The following NFIX variants were observed in gnomAD, a reference collection of about 807,000 sequenced individuals.
NFIX encodes the protein nuclear factor I X, also known as nuclear factor 1 X-type.
NFIX carries 2 observed loss-of-function variants against 53.3 expected under a neutral mutation model. The ratio of observed to expected loss-of-function variants is 0.04; its 90% confidence interval spans 0.02 to 0.12. The LOEUF (loss-of-function observed/expected upper bound fraction) is 0.12, where lower values mean the gene tolerates loss of function less well. Ranked by LOEUF, NFIX falls within the 10% of genes least tolerant of loss-of-function variation. The pLI, the probability that NFIX is intolerant of heterozygous loss-of-function variation, is 1.00. For missense variants in NFIX, 310 were observed against 674.5 expected (o/e 0.46, Z 5.99); for synonymous variants, 244 against 289.0 (o/e 0.84, Z 1.58).
chr19:13,023,815 A>G (rs1442775951), intron 1 of NFIX: 1 of 144,146 alleles, frequency 6.9e-6, no homozygotes, highest in African/African-American at 2.5e-5. Flanking sequence ...CTTCTGTGCA[A>G]TGGAGCATGG....
At position 13,049,392 on chromosome 19, in the gene NFIX, T is replaced by C. The variant is rs2145308485; in HGVS notation, c.560-23655T>C. ...TCCATTGCTCCCAAAAGAAACTCCA[T>C]ACCTATTAGTTGTTAGTCCCAATTC... On this transcript the variant is annotated intron_variant, in intron 2 of 10. Coordinates refer to ENST00000592199, the MANE Select transcript of NFIX (RefSeq NM_001365902.3). This position sits in a 1 kb window ranked among gnomAD's most constrained non-coding sequence, Gnocchi z 4.5. Among the ~76,000 whole-genome samples the C allele has an allele frequency of 6.6e-6, 1 of 152,330 alleles. No homozygotes were observed. Among genetic ancestry groups the C allele is most frequent in the East Asian group, 1.9e-4 (1 of 5,192 alleles).
At chr19:13,054,003 ATTC>A (rs2015489973) in intron 2 of NFIX, among the ~76,000 whole-genome samples, 1 of 152,142 alleles carries the variant, frequency 6.6e-6, no homozygotes, top group South Asian at 2.1e-4. Flanking sequence ...GGCCAGCGGC[ATTC>A]TTTGCGTGTT....
At position 13,060,716 on chromosome 19, in the gene NFIX, G is replaced by A. The variant is rs998436319; in HGVS notation, c.560-12331G>A. Among the ~76,000 whole-genome samples the A allele has an allele frequency of 3.9e-5, 6 of 152,118 alleles. No homozygotes were observed. Among genetic ancestry groups the A allele is most frequent in the Admixed American group, 3.9e-4 (6 of 15,280 alleles). ...GGGGCCAGGGAAGCAACCAGGCCCA[G>A]TCTGGGGCCCTGTGAAGCGATCTGC... On this transcript the variant is annotated intron_variant, in intron 2 of 10. Coordinates refer to ENST00000592199, the MANE Select transcript of NFIX (RefSeq NM_001365902.3). The surrounding 1 kb of genome is among the most constrained non-coding windows in gnomAD (Gnocchi z 4.3).
rs1315175141 is a variant in NFIX at position 13,078,626 on chromosome 19, A to G, written c.969A>G (p.Leu323=). The part of the protein sequence containing the change: ...PNDVDAGPAS[L]KKSGKLDFCS... ...TCCTCCCCCCAGGCCCGGCTTCTCT[A>G]AAGAAGTCAGGAAAGCTGGACTTCT... The change falls in exon 7 of 11, where the codon CTA becomes CTG. Residue 323 remains leucine, a synonymous_variant. Transcript: ENST00000592199. This position sits in a 1 kb window ranked among gnomAD's most constrained non-coding sequence, Gnocchi z 4.7. The G allele has an allele frequency of 1.9e-6, 3 of 1,601,260 alleles. No individual in the cohort carries two copies. The South Asian group carries it at 3.4e-5, about 18-fold the overall frequency.
At chr19:13,082,967 C>T (rs930294503) in intron 8 of NFIX, among the ~76,000 whole-genome samples, 8 of 152,184 alleles carry the variant, frequency 5.3e-5, no homozygotes, top group Admixed American at 2.0e-4. Context: ...TATTGATTTG[C>T]GGCGGGGCCG....
Position 13,097,503 on chromosome 19 carries a change from C to A in NFIX, c.*2854C>A, listed in dbSNP as rs947997947. 5 of 152,720 alleles carry A rather than the reference C, an allele frequency of 3.3e-5. No individual in the cohort carries two copies. The highest frequency in any genetic ancestry group is 2.6e-4 in the Admixed American group (4 of 15,300). 9.5% of individuals were successfully genotyped at this position (152,720 alleles called of 1,614,324 possible). A position where few individuals can be genotyped will look rare whatever the true frequency, so the allele number is the denominator to read the frequency against. ...AAATATCCTGCACTTGTTAGGAATACGCATATCCCTTCTTTGTTGAGTTTA... is the reference window on the plus strand; with the variant it reads ...AAATATCCTGCACTTGTTAGGAATAAGCATATCCCTTCTTTGTTGAGTTTA... On this transcript the variant is annotated 3_prime_UTR_variant, in exon 11 of 11. Coordinates refer to ENST00000592199, the MANE Select transcript of NFIX (RefSeq NM_001365902.3).
At position 13,011,189 on chromosome 19, in the gene NFIX, C is replaced by A. The variant is rs894493937; in HGVS notation, c.28-13832C>A. On this transcript the variant is annotated intron_variant, in intron 1 of 10. Transcript: ENST00000592199. This position sits in a 1 kb window ranked among gnomAD's most constrained non-coding sequence, Gnocchi z 6.5. ...CCCACGTTCTTAAAGACCGGGGACCCCCCCTCCCCCAAGGGCCGGACTGCA... is the reference window on the plus strand; with the variant it reads ...CCCACGTTCTTAAAGACCGGGGACCACCCCTCCCCCAAGGGCCGGACTGCA... Among the ~76,000 whole-genome samples, 1 of 152,172 alleles carries A rather than the reference C, an allele frequency of 6.6e-6. No individual in the cohort carries two copies. Among genetic ancestry groups the A allele is most frequent in the Admixed American group, 6.5e-5 (1 of 15,290 alleles).
At position 13,027,607 on chromosome 19, in the gene NFIX, T is replaced by C. The variant is rs1389777762; in HGVS notation, c.559+2055T>C. ...CAACCCCGCTCTCTGACTGGATCCT[T>C]GTAGCTGAGTTGTTTCCCTGGCCTC... On this transcript the variant is annotated intron_variant, in intron 2 of 10. Transcript: ENST00000592199. This position sits in a 1 kb window ranked among gnomAD's most constrained non-coding sequence, Gnocchi z 4.3. 6.6e-6 allele frequency among the ~76,000 whole-genome samples: 1 copy of C among 152,202 alleles called. No homozygotes were observed. Among genetic ancestry groups the C allele is most frequent in the Non-Finnish European group, 1.5e-5 (1 of 68,030 alleles).
chr19:13,007,224 G>A (rs370116451), intron 1 of NFIX, among the ~76,000 whole-genome samples: 16 of 151,586 alleles, frequency 1.1e-4, no homozygotes, highest in South Asian at 6.3e-4. Context: ...CGCCGCCATC[G>A]TTGGCTCTCT....
chr19:13,001,662 C>T lies in NFIX; in HGVS notation c.27+5798C>T, dbSNP rs2011705547. 6.6e-6 allele frequency among the ~76,000 whole-genome samples: 1 copy of T among 152,154 alleles called. No homozygotes were observed. The highest frequency in any genetic ancestry group is 2.4e-5 in the African/African-American group (1 of 41,436). On this transcript the variant is annotated intron_variant, in intron 1 of 10. Coordinates refer to ENST00000592199, the MANE Select transcript of NFIX (RefSeq NM_001365902.3). This position sits in a 1 kb window ranked among gnomAD's most constrained non-coding sequence, Gnocchi z 6.5. ...TGTCAACTTGTGTCCACATACGTGT[C>T]AACGCACGTGTCTCCAGTGTCATCA...
chr19:13,094,516 C>A lies in NFIX; in HGVS notation c.1495-119C>A. 2 of 1,025,522 alleles carry A rather than the reference C, an allele frequency of 2.0e-6. No individual in the cohort carries two copies. The highest frequency in any genetic ancestry group is 1.6e-5 in the African/African-American group (1 of 62,062). 63.5% of individuals were successfully genotyped at this position (1,025,522 alleles called of 1,614,324 possible). Reference sequence around the variant, plus strand: ...GGGAACAAGGTGGGTGGTGGCTGCCCGGCACCCTGGCTCTTTGGGAGCTGG... The same window carrying A: ...GGGAACAAGGTGGGTGGTGGCTGCCAGGCACCCTGGCTCTTTGGGAGCTGG... On this transcript the variant is annotated intron_variant, in intron 10 of 10. Coordinates refer to ENST00000592199, the MANE Select transcript of NFIX (RefSeq NM_001365902.3). The surrounding 1 kb of genome is among the most constrained non-coding windows in gnomAD (Gnocchi z 4.3).
chr19:13,060,762 T>G lies in NFIX; in HGVS notation c.560-12285T>G, dbSNP rs2016022989. Reference sequence around the variant, plus strand: ...TCTGCACTGCCCAGGGTCAGGGGGATGGGGGGGTCGGCCTCACCTCGGCTA... The same window carrying G: ...TCTGCACTGCCCAGGGTCAGGGGGAGGGGGGGGTCGGCCTCACCTCGGCTA... On this transcript the variant is annotated intron_variant, in intron 2 of 10. Coordinates refer to ENST00000592199, the MANE Select transcript of NFIX (RefSeq NM_001365902.3). This position sits in a 1 kb window ranked among gnomAD's most constrained non-coding sequence, Gnocchi z 4.3. Among the ~76,000 whole-genome samples, 1 of 150,882 alleles carries G rather than the reference T, an allele frequency of 6.6e-6. No individual in the cohort carries two copies.
chr19:13,094,849 A>G lies in NFIX; in HGVS notation c.*200A>G. ...CCCAGAAGCAGCCCAGTTCTCAGAG[A>G]GCCCTTGGAAGGGGTCTCGGTGGAG... On this transcript the variant is annotated 3_prime_UTR_variant, in exon 11 of 11. Transcript: ENST00000592199. The surrounding 1 kb of genome is among the most constrained non-coding windows in gnomAD (Gnocchi z 4.3). 2 of 581,662 alleles carry G rather than the reference A, an allele frequency of 3.4e-6. No homozygotes were observed. Among genetic ancestry groups the G allele is most frequent in the South Asian group, 4.2e-5 (2 of 47,640 alleles). The allele number at this position is 581,662 out of a possible 1,614,324, so 36.0% of individuals were successfully genotyped here.
Position 13,012,309 on chromosome 19 carries a change from G to C in NFIX, c.28-12712G>C, listed in dbSNP as rs1432262293. ...GCATAGGTCTGGCTTTCGACCGTTT[G>C]TGCCGCCAGAGTCTTCTCAATGATC... On this transcript the variant is annotated intron_variant, in intron 1 of 10. Coordinates refer to ENST00000592199, the MANE Select transcript of NFIX (RefSeq NM_001365902.3). The surrounding 1 kb of genome is among the most constrained non-coding windows in gnomAD (Gnocchi z 5.0). The C allele has an allele frequency of 2.0e-5, 3 of 152,282 alleles. No individual in the cohort carries two copies. The highest frequency in any genetic ancestry group is 4.4e-5 in the Non-Finnish European group (3 of 68,132). The allele number at this position is 152,282 out of a possible 1,614,324, so 9.4% of individuals were successfully genotyped here.
intron 1 of NFIX, among the ~76,000 whole-genome samples, chr19:13,004,837 T>A (rs933455612): frequency 2.7e-5 from 4 of 150,580 alleles, no homozygotes; most frequent in African/African-American, 9.8e-5. Flanking sequence ...TTTTTTTTTT[T>A]AAACAGTCTC....
At position 13,097,672 on chromosome 19, in the gene NFIX, C is replaced by T. The variant is rs1420074377; in HGVS notation, c.*3023C>T. On this transcript the variant is annotated 3_prime_UTR_variant, in exon 11 of 11. Coordinates refer to ENST00000592199, the MANE Select transcript of NFIX (RefSeq NM_001365902.3). ...GCGCGGCAGGGGTCCCCGGCCCCTC[C>T]CCCGCAGAGGTCAATGCCAACGAAC... is the stretch of plus-strand genomic sequence containing the variant. The T allele has an allele frequency of 6.6e-6, 1 of 151,910 alleles. No homozygotes were observed. Among genetic ancestry groups the T allele is most frequent in the Non-Finnish European group, 1.5e-5 (1 of 67,910 alleles). The allele number at this position is 151,910 out of a possible 1,614,324, so 9.4% of individuals were successfully genotyped here.
chr19:12,995,893 G>A, intron 1 of NFIX, 29 bp downstream of exon 1: 1 of 975,066 alleles, frequency 1.0e-6, no homozygotes, highest in Non-Finnish European at 1.2e-6. Flanking sequence ...GCGCGACCGG[G>A]GGAGGGGAGC....
intron 2 of NFIX, among the ~76,000 whole-genome samples, chr19:13,057,500 G>A (rs1044991851): frequency 5.9e-5 from 9 of 152,190 alleles, no homozygotes; most frequent in African/African-American, 1.9e-4. Flanking sequence ...CCACCAAGCC[G>A]GCTCCTGATG....
chr19:13,078,830 G>C lies in NFIX; in HGVS notation c.1078+95G>C. 7.2e-7 allele frequency: 1 copy of C among 1,384,988 alleles called. No homozygotes were observed. The highest frequency in any genetic ancestry group is 1.4e-5 in the South Asian group (1 of 72,254). 85.8% of individuals were successfully genotyped at this position (1,384,988 alleles called of 1,614,324 possible). A position where few individuals can be genotyped will look rare whatever the true frequency, so the allele number is the denominator to read the frequency against. ...GTGAAGGGGCCAGAGCTGACCCCGA[G>C]TGACAGCCCCACGCTCTCCAAGTGG... On this transcript the variant is annotated intron_variant, in intron 7 of 10. Coordinates refer to ENST00000592199, the MANE Select transcript of NFIX (RefSeq NM_001365902.3). The surrounding 1 kb of genome is among the most constrained non-coding windows in gnomAD (Gnocchi z 4.7).
Sources: allele counts gnomAD v4.1 joint callset (sites outside exome capture counted in the v4.1 genomes callset), GRCh38; gene constraint gnomAD v4.1.1; non-coding constraint Gnocchi (gnomAD v3.1); transcripts MANE v1.5; gene names NCBI Gene and HGNC (gene_info 2026-07-23, HGNC 2026-07-21).